Variants in LARGE1 observed in about 807,000 individuals in gnomAD.
LARGE1 encodes LARGE xylosyl- and glucuronyltransferase 1.
LARGE1 carries 43 observed loss-of-function variants against 87.6 expected under a neutral mutation model. That is an observed-to-expected ratio of 0.49 (90% CI 0.38 to 0.63). The LOEUF (loss-of-function observed/expected upper bound fraction) is 0.63, where lower values mean the gene tolerates loss of function less well. LARGE1 is among the 30% of genes least tolerant of loss of function. The probability of loss-of-function intolerance (pLI) is 0.00; values close to 1 mark genes in which losing one functional copy is unlikely to be tolerated. For missense variants in LARGE1, 802 were observed against 1,000.2 expected, an observed-to-expected ratio of 0.80 and a Z score of 2.67; for synonymous variants, 434 against 394.6, an observed-to-expected ratio of 1.10 and a Z score of -1.18.
chr22:33,102,728 T>A, the LARGE1 span, among the ~76,000 whole-genome samples: 1 of 152,026 alleles, frequency 6.6e-6, no homozygotes, highest in Admixed American at 6.6e-5. Flanking sequence ...TGACCTCAGG[T>A]GACCCGTCCG....
intron 6 of LARGE1, among the ~76,000 whole-genome samples, chr22:33,525,192 A>C (rs1004986702): frequency 3.3e-5 from 5 of 152,134 alleles, no homozygotes; most frequent in African/African-American, 9.7e-5. Context: ...GCCACAGAGA[A>C]CAGAGGGTCC....
chr22:33,101,220 C>T, the LARGE1 span, among the ~76,000 whole-genome samples: 6 of 152,150 alleles, frequency 3.9e-5, no homozygotes, highest in African/African-American at 1.2e-4. Context: ...GTATTATCCT[C>T]ACCGTTCCTT....
chr22:33,908,283 T>A (rs1388696806), intron 1 of LARGE1, among the ~76,000 whole-genome samples: 6 of 152,082 alleles, frequency 3.9e-5, no homozygotes, highest in Middle Eastern at 3.2e-3. Flanking sequence ...AGCAAAACAG[T>A]CAGGTTACGG....
chr22:33,620,797 G>C (rs2079725874), intron 4 of LARGE1, among the ~76,000 whole-genome samples: 1 of 152,036 alleles, frequency 6.6e-6, no homozygotes, highest in African/African-American at 2.4e-5. Context: ...CATGCCTATA[G>C]TCCCAGCTAC....
At chr22:33,847,483 G>A (rs2063468094) in intron 1 of LARGE1, among the ~76,000 whole-genome samples, 1 of 152,156 alleles carries the variant, frequency 6.6e-6, no homozygotes, top group Admixed American at 6.5e-5. Flanking sequence ...AATTCCATAA[G>A]ATATGCTTCA....
chr22:33,274,677 T>A, intron 14 of LARGE1, 53 bp from the exon 15 acceptor site: 1 of 1,493,224 alleles, frequency 6.7e-7, no homozygotes, highest in East Asian at 2.3e-5. Context: ...GGGTCATGCA[T>A]GATGAAGGCC....
chr22:33,076,805 T>C, the LARGE1 span, among the ~76,000 whole-genome samples: 3 of 152,218 alleles, frequency 2.0e-5, no homozygotes, highest in Non-Finnish European at 2.9e-5. Context: ...CTTTCTTCTT[T>C]AGCGTTGTAT....
chr22:33,418,654 G>T (rs1025564172), intron 7 of LARGE1, among the ~76,000 whole-genome samples: 11 of 152,144 alleles, frequency 7.2e-5, no homozygotes, highest in Non-Finnish European at 1.5e-4. Context: ...AAAGAGCTCA[G>T]ATTGCAGGGG....
rs369468968 is a variant in LARGE1, at chr22:33,535,270, G to T, written c.787+29578C>A. Among the ~76,000 whole-genome samples, 6 of 152,330 alleles carry T rather than the reference G, an allele frequency of 3.9e-5. No individual in the cohort carries two copies. In the East Asian group the frequency reaches 1.2e-3, roughly 29 times the overall value. On this transcript the variant is annotated intron_variant, in intron 6 of 14. Coordinates refer to ENST00000397394, the MANE Select transcript of LARGE1 (RefSeq NM_133642.5). ...AGAGAAAACCTCCAGCAGGCCAGGC[G>T]CGGTGGCTCATGCCTGTAATCCCAG...
intron 5 of LARGE1, among the ~76,000 whole-genome samples, chr22:33,601,102 C>G (rs1375456620): frequency 6.6e-6 from 1 of 152,080 alleles, no homozygotes; most frequent in Non-Finnish European, 1.5e-5. Flanking sequence ...ACTGTGGCCT[C>G]TAGCTCAGAG....
At chr22:33,551,943 G>A (rs546919890) in intron 6 of LARGE1, among the ~76,000 whole-genome samples, 91 of 139,868 alleles carry the variant, frequency 6.5e-4, no homozygotes, top group African/African-American at 2.3e-3. Context: ...GCAGTGAGCC[G>A]AGATCGCGCC....
At chr22:33,700,338 A>C (rs1237277517) in intron 2 of LARGE1, among the ~76,000 whole-genome samples, 1 of 152,196 alleles carries the variant, frequency 6.6e-6, no homozygotes, top group African/African-American at 2.4e-5. Context: ...TCTACCATCA[A>C]CTTGACCACT....
At chr22:33,238,114 A>C (rs1383562142) in intron 11 of LARGE1, among the ~76,000 whole-genome samples, 2 of 152,238 alleles carry the variant, frequency 1.3e-5, no homozygotes, top group Non-Finnish European at 2.9e-5. Context: ...TGGAAACAAC[A>C]ACCAAAAAAG....
intron 2 of LARGE1, among the ~76,000 whole-genome samples, chr22:33,672,463 T>C (rs1297487091): frequency 6.6e-6 from 1 of 152,196 alleles, no homozygotes; most frequent in Non-Finnish European, 1.5e-5. Context: ...AAGACTTTCC[T>C]GGTTCCATGC....
intron 1 of LARGE1, among the ~76,000 whole-genome samples, chr22:33,886,118 A>G (rs1453595942): frequency 1.3e-5 from 2 of 152,186 alleles, no homozygotes; most frequent in African/African-American, 4.8e-5. Context: ...ATCTCAGGTA[A>G]CCACGCAGCC....
intron 6 of LARGE1, among the ~76,000 whole-genome samples, chr22:33,528,041 C>A (rs930134836): frequency 2.6e-5 from 4 of 151,538 alleles, no homozygotes; most frequent in Admixed American, 1.3e-4. Flanking sequence ...GAGAAAAAAA[C>A]CCATATGAGT....
intron 6 of LARGE1, among the ~76,000 whole-genome samples, chr22:33,466,693 T>TCTACACACACACACAC (rs1555925562): frequency 2.1e-5 from 3 of 145,342 alleles, no homozygotes; most frequent in African/African-American, 5.2e-5. Context: ...TCTCTCTCTC[T>TCTACACACACACACAC]ACACACACAC....
In LARGE1 at chr22:33,782,864, C is replaced by CA. The variant is rs2085468061; in HGVS notation, c.-82-21307dup. Among the ~76,000 whole-genome samples, 8 of 107,206 alleles carry CA rather than the reference C, an allele frequency of 7.5e-5. No individual in the cohort carries two copies. The South Asian group carries it at 2.7e-3, about 37-fold the overall frequency. The allele number at this position is 107,206 out of a possible 152,430, so 70.3% of individuals were successfully genotyped here. ...TGGCAACAGAGTGAGACTCTGTCTCCAAAAAAACAAAATCAAGTTTAAAAA... is the reference window on the plus strand; with the variant it reads ...TGGCAACAGAGTGAGACTCTGTCTCCAAAAAAAACAAAATCAAGTTTAAAAA... On this transcript the variant is annotated intron_variant, in intron 1 of 14. Coordinates refer to ENST00000397394, the MANE Select transcript of LARGE1 (RefSeq NM_133642.5).
intron 2 of LARGE1, among the ~76,000 whole-genome samples, chr22:33,657,830 A>G (rs959681741): frequency 2.0e-5 from 3 of 152,214 alleles, no homozygotes; most frequent in African/African-American, 7.2e-5. Context: ...ACACTTGGTC[A>G]GTTCCCCCTG....
Sources: gnomAD v4.1 joint callset for allele counts (sites outside exome capture counted in the v4.1 genomes callset) on GRCh38, gnomAD v4.1.1 for gene constraint, MANE v1.5 for transcripts, NCBI Gene and HGNC (gene_info 2026-07-23, HGNC 2026-07-21) for gene names.